RBFOX2: variants seen among roughly 807,000 people sequenced by gnomAD.
RBFOX2 encodes the protein RNA binding protein fox-1 homolog 2.
A neutral mutation model predicts 49.1 loss-of-function variants in RBFOX2; 10 were observed. The observed-to-expected ratio is 0.20, with a 90% CI of 0.13 to 0.35. RBFOX2 has a LOEUF of 0.35. Among genes scored for constraint, RBFOX2 ranks in the 10% least tolerant of loss-of-function variants. The pLI is 1.00. For missense variants in RBFOX2, 323 were observed against 486.9 expected, an observed-to-expected ratio of 0.66 and a Z score of 3.17; for synonymous variants, 183 against 187.4, an observed-to-expected ratio of 0.98 and a Z score of 0.19.
intron 1 of RBFOX2, among the ~76,000 whole-genome samples, chr22:35,834,021 G>C (rs1287786626): frequency 2.0e-5 from 3 of 152,152 alleles, no homozygotes; most frequent in Non-Finnish European, 4.4e-5. Context: ...AAAGTCTTAA[G>C]TCAGGGATGG....
chr22:35,907,829 T>C (rs1167736174), intron 1 of RBFOX2, among the ~76,000 whole-genome samples: 2 of 152,126 alleles, frequency 1.3e-5, no homozygotes, highest in Non-Finnish European at 2.9e-5. Context: ...GTATTTTTAG[T>C]GGAGACGGGT....
intron 1 of RBFOX2, chr22:35,822,709 G>A (rs990869213): frequency 5.2e-6 from 2 of 381,880 alleles, no homozygotes; most frequent in Admixed American, 3.4e-5. Context: ...CTAAATATGA[G>A]ACTAAAGGAA....
chr22:35,746,604 C>T (rs745326796), intron 9 of RBFOX2, 43 bp from the exon 12 acceptor site: 1 of 1,320,476 alleles, frequency 7.6e-7, no homozygotes, highest in Non-Finnish European at 1.0e-6. Flanking sequence ...ACCTCTCCCC[C>T]CAGGTGTACA....
chr22:35,782,450 T>C (rs1029320487), intron 2 of RBFOX2, among the ~76,000 whole-genome samples: 2 of 152,158 alleles, frequency 1.3e-5, no homozygotes, highest in Admixed American at 1.3e-4. Flanking sequence ...GCCTCCCGAG[T>C]AGCTGGGACG....
chr22:36,013,648 CAGAGAG>C (rs373268996), intron 1 of RBFOX2, among the ~76,000 whole-genome samples: 15 of 147,968 alleles, frequency 1.0e-4, no homozygotes, highest in South Asian at 8.6e-4. Flanking sequence ...CACACACACA[CAGAGAG>C]AGAGAGAGAG....
intron 1 of RBFOX2, among the ~76,000 whole-genome samples, chr22:35,931,578 C>G (rs2052413372): frequency 6.6e-6 from 1 of 152,032 alleles, no homozygotes; most frequent in Non-Finnish European, 1.5e-5. Context: ...AGTTCAAGAC[C>G]AACCTGGGCA....
rs571936186 is a variant in RBFOX2, at chr22:35,956,333, A to T, written c.42+5230T>A. 4.0e-5 allele frequency among the ~76,000 whole-genome samples: 6 copies of T among 151,890 alleles called. 1 individual carries two copies. In the South Asian group the frequency reaches 1.3e-3, roughly 32 times the overall value. On this transcript the variant is annotated intron_variant, in intron 1 of 5. Transcript: ENST00000408983. ...AATTTTATCACTGGCCACAAATATC[A>T]GTTTTCCTTAAAATGACAGGCTTGC...
In RBFOX2 at chr22:35,759,973, T is replaced by C. The variant is rs1445732231; in HGVS notation, c.802A>G (p.Arg268Gly). 3.7e-6 allele frequency: 6 copies of C among 1,613,840 alleles called. No individual in the cohort carries two copies. Among genetic ancestry groups the C allele is most frequent in the Non-Finnish European group, 5.1e-6 (6 of 1,180,022 alleles). The change falls in exon 9 of 12, where the codon AGA becomes GGA. Residue 268 changes from arginine (R) to glycine (G), a missense_variant. Coordinates refer to ENST00000405409, the Ensembl canonical transcript of RBFOX2. The surrounding 1 kb of genome is among the most constrained non-coding windows in gnomAD (Gnocchi z 4.6). ...CCTCTGCCCCTCAAATGGGCTCCTC[T>C]GAAAGCGGCTGCCGTGGTGGCTGCA...
At chr22:35,992,481 A>T (rs2058024381) in intron 1 of RBFOX2, 2 of 152,340 alleles carry the variant, frequency 1.3e-5, no homozygotes, top group South Asian at 4.1e-4. Flanking sequence ...AACTTAAGAG[A>T]TAATTTTAAA....
At position 35,746,554 on chromosome 22, in the gene RBFOX2, T is replaced by A. The variant is rs764162358; in HGVS notation, c.895A>T (p.Met299Leu). Residue 299 changes from methionine (M) to leucine (L), a missense_variant, in exon 10 of 12, where the codon ATG (methionine) becomes TTG (leucine). Met to Leu is a conservative substitution (Grantham distance 15, BLOSUM62 2). Coordinates refer to ENST00000405409, the Ensembl canonical transcript of RBFOX2. ...AGGCTGTGCATATCTGTAGGCTGCA[T>A]ATCCACCCTACAGGAGAGAAGAGAA... is the stretch of plus-strand genomic sequence containing the variant. 1 of 1,595,300 alleles carries A rather than the reference T, an allele frequency of 6.3e-7. No individual in the cohort carries two copies. The highest frequency in any genetic ancestry group is 8.6e-7 in the Non-Finnish European group (1 of 1,169,448).
chr22:35,832,498 G>A (rs962078955), intron 1 of RBFOX2, among the ~76,000 whole-genome samples: 4 of 152,150 alleles, frequency 2.6e-5, no homozygotes, highest in Non-Finnish European at 5.9e-5. Flanking sequence ...AGGAGGCAGG[G>A]GATGGAGAGA....
intron 6 of RBFOX2, among the ~76,000 whole-genome samples, chr22:35,764,276 G>A (rs1319513715): frequency 1.3e-5 from 2 of 151,930 alleles, no homozygotes; most frequent in Admixed American, 6.6e-5. Flanking sequence ...TCTAGCAGTG[G>A]GTTCAAACTT....
intron 1 of RBFOX2, among the ~76,000 whole-genome samples, chr22:35,893,311 T>C (rs1048350563): frequency 6.6e-6 from 1 of 151,312 alleles, no homozygotes; most frequent in African/African-American, 2.4e-5. Context: ...CCAGGGTTAA[T>C]AAGTAAAAAA....
intron 1 of RBFOX2, among the ~76,000 whole-genome samples, chr22:35,825,943 T>C (rs999028195): frequency 2.3e-4 from 32 of 141,376 alleles, no homozygotes; most frequent in Non-Finnish European, 2.1e-4. Context: ...GATCTCACCA[T>C]TGCACTCCAG....
chr22:35,947,243 C>T (rs1268312291), intron 1 of RBFOX2, among the ~76,000 whole-genome samples: 1 of 152,058 alleles, frequency 6.6e-6, no homozygotes, highest in Non-Finnish European at 1.5e-5. Flanking sequence ...ATCACAGTGA[C>T]ATCATAACTG....
At chr22:35,950,355 T>C (rs545468939) in intron 1 of RBFOX2, among the ~76,000 whole-genome samples, 2 of 152,262 alleles carry the variant, frequency 1.3e-5, no homozygotes, top group South Asian at 2.1e-4. Flanking sequence ...GCTTTACCCA[T>C]AGAGGACACA....
intron 1 of RBFOX2, among the ~76,000 whole-genome samples, chr22:35,820,874 T>C (rs918689914): frequency 9.9e-5 from 15 of 152,112 alleles, no homozygotes; most frequent in African/African-American, 3.4e-4. Flanking sequence ...CCACAAACTT[T>C]GAAGGGACTT....
At chr22:36,002,349 C>T (rs569861363) in intron 1 of RBFOX2, among the ~76,000 whole-genome samples, 2 of 152,034 alleles carry the variant, frequency 1.3e-5, no homozygotes, top group South Asian at 4.2e-4. Flanking sequence ...ACCTAAATGT[C>T]GAGCAATAGG....
chr22:35,797,465 A>G (rs1467196395), intron 2 of RBFOX2, among the ~76,000 whole-genome samples: 1 of 152,212 alleles, frequency 6.6e-6, no homozygotes, highest in Admixed American at 6.5e-5. Flanking sequence ...AGAATATGAA[A>G]AATATCATAT....
Sources: gnomAD v4.1 joint callset for allele counts (sites outside exome capture counted in the v4.1 genomes callset) on GRCh38, gnomAD v4.1.1 for gene constraint, Gnocchi (gnomAD v3.1) non-coding constraint, MANE v1.5 for transcripts, NCBI Gene and HGNC (gene_info 2026-07-23, HGNC 2026-07-21) for gene names.